The following WDPCP variants were observed in gnomAD, a reference collection of about 807,000 sequenced individuals.
WDPCP encodes WD repeat-containing and planar cell polarity effector protein fritz homolog.
WDPCP carries 71 observed loss-of-function variants against 93.1 expected under a neutral mutation model. That is an observed-to-expected ratio of 0.76 (90% CI 0.63 to 0.93). The LOEUF is 0.93. WDPCP is among the 40% of genes least tolerant of loss of function. The pLI, the probability that WDPCP is intolerant of heterozygous loss-of-function variation, is 0.00. For missense variants in WDPCP, 844 were observed against 887.4 expected (o/e 0.95, Z 0.62); for synonymous variants, 315 against 315.0 (o/e 1.00, Z 0.00).
intron 17 of WDPCP, among the ~76,000 whole-genome samples, chr2:63,132,917 T>C (rs985801625): frequency 3.3e-5 from 5 of 152,216 alleles, no homozygotes; most frequent in Non-Finnish European, 7.3e-5. Context: ...TTTTTATGCA[T>C]TGTGATTTTG....
intron 14 of WDPCP, among the ~76,000 whole-genome samples, chr2:63,183,526 G>T (rs112034273): frequency 2.6e-5 from 4 of 152,164 alleles, no homozygotes; most frequent in African/African-American, 9.6e-5. Context: ...AAAATTTATT[G>T]AGATTTGTTT....
intron 13 of WDPCP, among the ~76,000 whole-genome samples, chr2:63,277,061 G>A (rs760086202): frequency 2.0e-5 from 3 of 152,252 alleles, no homozygotes; most frequent in Admixed American, 1.3e-4. Context: ...AAAGGAATTG[G>A]GGTCCTATTT....
At chr2:63,357,938 G>A (rs1278124777) in intron 12 of WDPCP, among the ~76,000 whole-genome samples, 2 of 152,132 alleles carry the variant, frequency 1.3e-5, no homozygotes, top group African/African-American at 2.4e-5. Context: ...AAAAAAGAAC[G>A]AGGTCATGTC....
chr2:63,276,574 G>A (rs575411281), intron 13 of WDPCP, among the ~76,000 whole-genome samples: 1 of 152,292 alleles, frequency 6.6e-6, no homozygotes, highest in South Asian at 2.1e-4. Flanking sequence ...TTAGAGAAAT[G>A]CAAAATGCAC....
At position 63,594,796 on chromosome 2, in the gene WDPCP, A is replaced by G. The variant is rs1575721007; in HGVS notation, n.488+55863T>C. On this transcript the variant is annotated intron_variant and non_coding_transcript_variant, in intron 3 of 4. Transcript: ENST00000467687. ...ACACTTTGCAAATGAGAACTCTTCC[A>G]TATATTGTACTCAGTTGACTTGGTG... The G allele has an allele frequency of 1.1e-5, 5 of 461,262 alleles. No individual in the cohort carries two copies. The East Asian group carries it at 2.0e-4, about 19-fold the overall frequency. The allele number at this position is 461,262 out of a possible 1,614,324, so 28.6% of individuals were successfully genotyped here. A position where few individuals can be genotyped will look rare whatever the true frequency, so the allele number is the denominator to read the frequency against.
intron 12 of WDPCP, among the ~76,000 whole-genome samples, chr2:63,348,592 T>C (rs1395862449): frequency 6.6e-6 from 1 of 152,190 alleles, no homozygotes; most frequent in Non-Finnish European, 1.5e-5. Flanking sequence ...TGGTAGGAGA[T>C]ACCATGTATA....
chr2:63,135,597 T>A (rs1196196754), intron 17 of WDPCP, among the ~76,000 whole-genome samples: 1 of 152,222 alleles, frequency 6.6e-6, no homozygotes, highest in African/African-American at 2.4e-5. Flanking sequence ...CTCCCAGCGT[T>A]AGGATTATAG....
intron 17 of WDPCP, among the ~76,000 whole-genome samples, chr2:63,148,415 C>G (rs920939495): frequency 6.6e-6 from 1 of 152,204 alleles, no homozygotes; most frequent in African/African-American, 2.4e-5. Flanking sequence ...CCTTTCCTCA[C>G]TGCAACCTCT....
intron 2 of WDPCP, among the ~76,000 whole-genome samples, chr2:63,698,374 T>C (rs1238685447): frequency 6.6e-6 from 1 of 152,172 alleles, no homozygotes; most frequent in Non-Finnish European, 1.5e-5. Context: ...CATTCCCAGA[T>C]CACATCATGC....
At chr2:63,420,361 T>TAAAAAAGA (rs1695753138) in intron 9 of WDPCP, among the ~76,000 whole-genome samples, 2 of 120,544 alleles carry the variant, frequency 1.7e-5, no homozygotes, top group African/African-American at 6.8e-5. Flanking sequence ...CATCTTTACT[T>TAAAAAAGA]AAAAAAAAAA....
intron 12 of WDPCP, among the ~76,000 whole-genome samples, chr2:63,337,451 C>T (rs558682996): frequency 1.5e-4 from 23 of 152,032 alleles, no homozygotes; most frequent in East Asian, 7.7e-4. Context: ...TAAACATGGG[C>T]GGGCAAAAAT....
chr2:63,483,462 T>TAC (rs1700387094), intron 6 of WDPCP, among the ~76,000 whole-genome samples: 1 of 151,598 alleles, frequency 6.6e-6, no homozygotes, highest in African/African-American at 2.4e-5. Flanking sequence ...CTCTGAAAAA[T>TAC]AAGTTTATGC....
chr2:63,508,967 C>G (rs1174960410), intron 1 of WDPCP, among the ~76,000 whole-genome samples: 1 of 152,160 alleles, frequency 6.6e-6, no homozygotes, highest in Non-Finnish European at 1.5e-5. Context: ...GACTTAGACT[C>G]CCACACAATC....
intron 11 of WDPCP, among the ~76,000 whole-genome samples, chr2:63,381,226 A>G (rs1692275892): frequency 6.6e-6 from 1 of 152,156 alleles, no homozygotes; most frequent in Admixed American, 6.6e-5. Context: ...GCAAATATAA[A>G]GATTTATTTC....
chr2:63,383,373 A>G (rs1692475951), intron 10 of WDPCP, among the ~76,000 whole-genome samples: 1 of 152,174 alleles, frequency 6.6e-6, no homozygotes, highest in African/African-American at 2.4e-5. Flanking sequence ...CTGTGAAATA[A>G]TAAAGCAAAA....
At chr2:63,271,558 C>T (rs2104860509) in intron 13 of WDPCP, among the ~76,000 whole-genome samples, 1 of 152,340 alleles carries the variant, frequency 6.6e-6, no homozygotes, top group South Asian at 2.1e-4. Flanking sequence ...CTCATCCCAT[C>T]ACTGTCACTG....
At chr2:63,388,836 A>T (rs1692968170) in intron 10 of WDPCP, among the ~76,000 whole-genome samples, 1 of 152,172 alleles carries the variant, frequency 6.6e-6, no homozygotes, top group African/African-American at 2.4e-5. Flanking sequence ...AAACGAGAAG[A>T]CAAGGTTGGA....
At chr2:63,778,940 T>C (rs755706693) in intron 2 of WDPCP, among the ~76,000 whole-genome samples, 7 of 152,204 alleles carry the variant, frequency 4.6e-5, no homozygotes, top group Non-Finnish European at 8.8e-5. Context: ...TTTCAAGTTA[T>C]ATGTGTTTCT....
intron 6 of WDPCP, among the ~76,000 whole-genome samples, chr2:63,462,249 G>A (rs1026239298): frequency 5.3e-5 from 8 of 152,112 alleles, no homozygotes; most frequent in African/African-American, 1.9e-4. Flanking sequence ...CTATCACAAG[G>A]ACAGAAAACC....
Sources: allele counts gnomAD v4.1 joint callset (sites outside exome capture counted in the v4.1 genomes callset), GRCh38; gene constraint gnomAD v4.1.1; transcripts MANE v1.5; gene names NCBI Gene and HGNC (gene_info 2026-07-23, HGNC 2026-07-21).